The following NR4A3 variants were observed in gnomAD, a reference collection of about 807,000 sequenced individuals.
NR4A3 encodes the protein chondrosarcoma, extraskeletal myxoid, fused to EWS.
Under a neutral mutation model 55.6 loss-of-function variants are expected in NR4A3, and 13 were observed. That is an observed-to-expected ratio of 0.23 (90% CI 0.15 to 0.37). NR4A3 has a LOEUF of 0.37. Among genes scored for constraint, NR4A3 ranks in the 10% least tolerant of loss-of-function variants. NR4A3 has a pLI of 1.00. For synonymous variants in NR4A3, 342 were observed against 357.9 expected (o/e 0.96, Z 0.50); for missense variants, 646 against 822.8 (o/e 0.79, Z 2.63).
chr9:99,828,283 C>A lies in NR4A3; in HGVS notation c.241C>A (p.Arg81=), dbSNP rs538195489. 5.0e-6 allele frequency: 8 copies of A among 1,613,896 alleles called. No homozygotes were observed. The African/African-American group carries it at 9.3e-5, about 19-fold the overall frequency. ...GCCTTCCTGCGTGTACCAAATGCAG[C>A]GGCCCTTGATCAAAGTGGAGGAGGG... ...LKPSCVYQMQ[R]PLIKVEEGRA... Residue 81 remains arginine, a synonymous_variant, in exon 3 of 8, where the codon CGG becomes AGG. Transcript: ENST00000395097. The surrounding 1 kb of genome is among the most constrained non-coding windows in gnomAD (Gnocchi z 7.7).
At position 99,833,340 on chromosome 9, in the gene NR4A3, C is replaced by T. The variant is rs1394279966; in HGVS notation, c.1140C>T (p.Ser380=). 2.5e-6 allele frequency: 4 copies of T among 1,613,946 alleles called. No individual in the cohort carries two copies. In the East Asian group the frequency reaches 6.7e-5, roughly 27 times the overall value. ...RRGRLPSKPK[S]PLQQEPSQPS... ...GTCGTCTGCCTTCCAAACCAAAGAG[C>T]CCATTACAACAGGAACCTTCTCAGC... Residue 380 remains serine (S), a synonymous_variant, in exon 5 of 8, where the codon AGC becomes AGT. Coordinates refer to ENST00000395097, the MANE Select transcript of NR4A3 (RefSeq NM_006981.4).
At position 99,843,557 on chromosome 9, in the gene NR4A3, G is replaced by C. The variant is rs148751626; in HGVS notation, c.1255-1092G>C. Among the ~76,000 whole-genome samples, 643 of 152,250 alleles carry C rather than the reference G, an allele frequency of 4.2e-3. 7 individuals carry two copies. The highest frequency in any genetic ancestry group is 0.013 in the African/African-American group (529 of 41,540). ...TGGTGGGCCAGGCACGGTGTCTTAT[G>C]CCTGTAATCCCAGTACTTCGGGAGG... On this transcript the variant is annotated intron_variant, in intron 5 of 7. Coordinates refer to ENST00000395097, the MANE Select transcript of NR4A3 (RefSeq NM_006981.4).
intron 7 of NR4A3, among the ~76,000 whole-genome samples, chr9:99,848,771 G>A (rs373369153): frequency 5.3e-5 from 8 of 152,216 alleles, no homozygotes; most frequent in African/African-American, 9.6e-5. Context: ...GGAGAAAGGC[G>A]CGTGTTGGGC....
At chr9:99,857,952 A>T (rs1827955661) in intron 7 of NR4A3, among the ~76,000 whole-genome samples, 1 of 152,126 alleles carries the variant, frequency 6.6e-6, no homozygotes, top group Non-Finnish European at 1.5e-5. Context: ...GTGCTTATAT[A>T]ATCATTTCTC....
intron 7 of NR4A3, among the ~76,000 whole-genome samples, chr9:99,855,242 T>C (rs548686590): frequency 1.6e-4 from 25 of 152,302 alleles, no homozygotes; most frequent in Admixed American, 6.5e-4. Flanking sequence ...AGCTAGACTG[T>C]GGGGTTCTTA....
rs1267355563 is a variant in NR4A3 at position 99,822,919 on chromosome 9, G to A, written c.-177+512G>A. Among the ~76,000 whole-genome samples, 1 of 152,176 alleles carries A rather than the reference G, an allele frequency of 6.6e-6. No individual in the cohort carries two copies. The highest frequency in any genetic ancestry group is 2.4e-5 in the African/African-American group (1 of 41,440). On this transcript the variant is annotated intron_variant, in intron 1 of 7. Transcript: ENST00000395097. This position sits in a 1 kb window ranked among gnomAD's most constrained non-coding sequence, Gnocchi z 4.9. Reference sequence around the variant, plus strand: ...GTTCTCTGGAAGGAAGCTTAGGAGGGAAGGGCCTAGGCAGCGACGGCCAGA... The same window carrying A: ...GTTCTCTGGAAGGAAGCTTAGGAGGAAAGGGCCTAGGCAGCGACGGCCAGA...
At chr9:99,857,644 G>A (rs1204317521) in intron 7 of NR4A3, among the ~76,000 whole-genome samples, 1 of 151,986 alleles carries the variant, frequency 6.6e-6, no homozygotes, top group African/African-American at 2.4e-5. Context: ...AATTAGCTGG[G>A]CCTTGGGAGG....
At position 99,864,987 on chromosome 9, in the gene NR4A3, A is replaced by T. The variant is rs1294369473; in HGVS notation, c.*1120A>T. 1 of 199,820 alleles carries T rather than the reference A, an allele frequency of 5.0e-6. No homozygotes were observed. The highest frequency in any genetic ancestry group is 1.0e-5 in the Non-Finnish European group (1 of 96,466). 12.4% of individuals were successfully genotyped at this position (199,820 alleles called of 1,614,324 possible). A position where few individuals can be genotyped will look rare whatever the true frequency, so the allele number is the denominator to read the frequency against. ...GAGAGCAAGCAAATCTTTTTAAAAA[A>T]TAGTATGAATGTGAATACTAGAAAA... On this transcript the variant is annotated 3_prime_UTR_variant, in exon 8 of 8. Transcript: ENST00000395097.
chr9:99,828,609 G>A lies in NR4A3; in HGVS notation c.567G>A (p.Pro189=). Residue 189 remains proline (P), a synonymous_variant, in exon 3 of 8, where the codon CCG becomes CCA. Transcript: ENST00000395097. The surrounding 1 kb of genome is among the most constrained non-coding windows in gnomAD (Gnocchi z 7.7). ...CCACGGTGGCCGGCGCGCGCTTCCCGCTCTTCCACTTCAAGCCCTCGCCGC... is the reference window on the plus strand; with the variant it reads ...CCACGGTGGCCGGCGCGCGCTTCCCACTCTTCCACTTCAAGCCCTCGCCGC... ...AVPTVAGARF[P]LFHFKPSPPH... is the part of the protein sequence containing the mutation. 1.3e-6 allele frequency: 2 copies of A among 1,532,330 alleles called. No homozygotes were observed. The highest frequency in any genetic ancestry group is 1.7e-6 in the Non-Finnish European group (2 of 1,150,170). 94.9% of individuals were successfully genotyped at this position (1,532,330 alleles called of 1,614,324 possible).
At chr9:99,860,087 A>G (rs1827984516) in intron 7 of NR4A3, among the ~76,000 whole-genome samples, 1 of 152,188 alleles carries the variant, frequency 6.6e-6, no homozygotes, top group Admixed American at 6.5e-5. Flanking sequence ...AATTTATCCC[A>G]AAACCCCATA....
At chr9:99,855,053 G>A (rs1410836590) in intron 7 of NR4A3, among the ~76,000 whole-genome samples, 1 of 149,274 alleles carries the variant, frequency 6.7e-6, no homozygotes, top group Non-Finnish European at 1.5e-5. Flanking sequence ...CACATCCCTT[G>A]TAAGTTGGAT....
intron 5 of NR4A3, among the ~76,000 whole-genome samples, chr9:99,842,482 C>G (rs192317626): frequency 1.4e-3 from 218 of 152,176 alleles, no homozygotes; most frequent in African/African-American, 4.6e-3. Flanking sequence ...TGTAATCCCA[C>G]CACTTCAGGA....
chr9:99,833,257 T>G (rs1271792687), intron 4 of NR4A3, 25 bp from the exon 5 acceptor site: 1 of 1,559,324 alleles, frequency 6.4e-7, no homozygotes. Flanking sequence ...TTGAAGATTG[T>G]TTTCTTTGTC....
Position 99,838,820 on chromosome 9 carries a change from AT to A in NR4A3, c.1254+5368del, listed in dbSNP as rs1827603106. Among the ~76,000 whole-genome samples the A allele has an allele frequency of 2.6e-5, 4 of 152,242 alleles. No individual in the cohort carries two copies. In the South Asian group the frequency reaches 8.3e-4, roughly 31 times the overall value. On this transcript the variant is annotated intron_variant, in intron 5 of 7. Transcript: ENST00000395097. Reference sequence around the variant, plus strand: ...AAAAATCTGTACTTTAAAAAGTGCCATTGGATGATTCTTTGGCACACTAAGG... The same window carrying A: ...AAAAATCTGTACTTTAAAAAGTGCCATGGATGATTCTTTGGCACACTAAGG...
chr9:99,861,705 C>T (rs1332147860), intron 7 of NR4A3, among the ~76,000 whole-genome samples: 1 of 152,044 alleles, frequency 6.6e-6, no homozygotes, highest in Admixed American at 6.5e-5. Flanking sequence ...TTATTTGGGA[C>T]AAGAAAAAAG....
chr9:99,850,859 G>A lies in NR4A3; in HGVS notation c.1633+3244G>A, dbSNP rs796786693. Among the ~76,000 whole-genome samples, 10 of 152,314 alleles carry A rather than the reference G, an allele frequency of 6.6e-5. No individual in the cohort carries two copies. The East Asian group carries it at 1.7e-3, about 26-fold the overall frequency. ...CTATGGTCCCCCTTGGAGTGATAGT[G>A]ACAGATTCCCTCAAGTTAGGCATAT... is the stretch of plus-strand genomic sequence containing the variant. On this transcript the variant is annotated intron_variant, in intron 7 of 7. Coordinates refer to ENST00000395097, the MANE Select transcript of NR4A3 (RefSeq NM_006981.4).
At position 99,864,802 on chromosome 9, in the gene NR4A3, G is replaced by A. The variant is rs533941649; in HGVS notation, c.*935G>A. 3 of 222,802 alleles carry A rather than the reference G, an allele frequency of 1.3e-5. No individual in the cohort carries two copies. Among genetic ancestry groups the A allele is most frequent in the Non-Finnish European group, 9.0e-6 (1 of 111,220 alleles). The allele number at this position is 222,802 out of a possible 1,614,324, so 13.8% of individuals were successfully genotyped here. On this transcript the variant is annotated 3_prime_UTR_variant, in exon 8 of 8. Transcript: ENST00000395097. The stretch of plus-strand genomic sequence containing the variant: ...TTGCTTCAGTTATAGTAACTGACTG[G>A]TATATTCATTCAGAAGCGCCATAAG...
rs1828053595 is a variant in NR4A3, at chr9:99,864,124, AG to A, written c.*260del. 1 of 392,452 alleles carries A rather than the reference AG, an allele frequency of 2.5e-6. No individual in the cohort carries two copies. Among genetic ancestry groups the A allele is most frequent in the Admixed American group, 4.2e-5 (1 of 24,040 alleles). The allele number at this position is 392,452 out of a possible 1,614,324, so 24.3% of individuals were successfully genotyped here. ...GGGTGGGAGGGGGTTATAGTTCATG[AG>A]GGTTTTCTAAGAAATTGCTAACAAA... On this transcript the variant is annotated 3_prime_UTR_variant, in exon 8 of 8. Transcript: ENST00000395097.
In NR4A3 at chr9:99,844,667, G is replaced by A; in HGVS notation, c.1273G>A (p.Ala425Thr). The A allele has an allele frequency of 6.2e-7, 1 of 1,614,152 alleles. No individual in the cohort carries two copies. The highest frequency in any genetic ancestry group is 8.5e-7 in the Non-Finnish European group (1 of 1,180,016). ...ATTCTAGTACTGTCCCACTGACCAGGCTGCTGCAGGCACAGATGCTGAGCA... is the reference window on the plus strand; with the variant it reads ...ATTCTAGTACTGTCCCACTGACCAGACTGCTGCAGGCACAGATGCTGAGCA... ...DYSRYCPTDQ[A>T]AAGTDAEHVQ... The change falls in exon 6 of 8, where the codon GCT (alanine) becomes ACT (threonine). Residue 425 changes from alanine (A) to threonine (T), a missense_variant. By Grantham distance (58) the Ala-to-Thr change is moderately conservative. Coordinates refer to ENST00000395097, the MANE Select transcript of NR4A3 (RefSeq NM_006981.4).
Sources: gnomAD v4.1 joint callset for allele counts (sites outside exome capture counted in the v4.1 genomes callset) on GRCh38, gnomAD v4.1.1 for gene constraint, Gnocchi (gnomAD v3.1) non-coding constraint, MANE v1.5 for transcripts, NCBI Gene and HGNC (gene_info 2026-07-23, HGNC 2026-07-21) for gene names.